RSU1: variants seen among roughly 807,000 people sequenced by gnomAD.
The protein encoded by RSU1 is Ras suppressor protein 1.
Under a neutral mutation model 31.1 loss-of-function variants are expected in RSU1, and 26 were observed. The ratio of observed to expected loss-of-function variants is 0.84; its 90% CI spans 0.61 to 1.16. RSU1 has a LOEUF of 1.16. Ranked by LOEUF, RSU1 falls within the 50% of genes most tolerant of loss-of-function variation. The pLI is 0.00. For synonymous variants in RSU1, 164 were observed against 136.3 expected (o/e 1.20, Z -1.41); for missense variants, 320 against 339.1 (o/e 0.94, Z 0.44).
intron 8 of RSU1, among the ~76,000 whole-genome samples, chr10:16,693,265 T>C (rs1835601262): frequency 6.6e-6 from 1 of 152,204 alleles, no homozygotes; most frequent in South Asian, 2.1e-4. Flanking sequence ...GCCATTATTC[T>C]TTACAGCTTG....
chr10:16,730,998 A>T (rs1394139296), intron 7 of RSU1, among the ~76,000 whole-genome samples: 1 of 151,922 alleles, frequency 6.6e-6, no homozygotes, highest in Admixed American at 6.6e-5. Flanking sequence ...TTATTTTTGT[A>T]TTTTTAGTAG....
intron 4 of RSU1, among the ~76,000 whole-genome samples, chr10:16,763,762 A>C (rs1837255496): frequency 6.6e-6 from 1 of 152,186 alleles, no homozygotes; most frequent in South Asian, 2.1e-4. Flanking sequence ...GAAAGCACTA[A>C]AACCTGCCCT....
intron 7 of RSU1, among the ~76,000 whole-genome samples, chr10:16,739,027 C>T (rs1380104234): frequency 6.6e-6 from 1 of 152,170 alleles, no homozygotes; most frequent in East Asian, 1.9e-4. Context: ...CATGTCTCTG[C>T]AAAGGACATG....
rs534328220 is a variant in RSU1, at chr10:16,783,441, C to T, written c.110-1357G>A. 2.5e-4 allele frequency among the ~76,000 whole-genome samples: 37 copies of T among 149,880 alleles called. 1 individual carries two copies. In the South Asian group the frequency reaches 6.1e-3, roughly 25 times the overall value. ...CGCAATCTCAGCTCACTGCAATTTC[C>T]GCCTCCCAAGTTCAAGCGATTCTCC... On this transcript the variant is annotated intron_variant, in intron 2 of 8. Transcript: ENST00000345264.
At chr10:16,650,742 G>A (rs1019068848) in intron 8 of RSU1, among the ~76,000 whole-genome samples, 1 of 143,606 alleles carries the variant, frequency 7.0e-6, no homozygotes, top group African/African-American at 2.5e-5. Flanking sequence ...ACCACACCCG[G>A]CTACTTTTTT....
chr10:16,740,709 A>C (rs1836732734), intron 7 of RSU1, among the ~76,000 whole-genome samples: 1 of 152,350 alleles, frequency 6.6e-6, no homozygotes, highest in South Asian at 2.1e-4. Flanking sequence ...AAATAATTTC[A>C]TATATAATAG....
intron 2 of RSU1, among the ~76,000 whole-genome samples, chr10:16,805,002 AG>A (rs1345565606): frequency 6.6e-6 from 1 of 152,188 alleles, no homozygotes; most frequent in African/African-American, 2.4e-5. Flanking sequence ...ATGCATCAAC[AG>A]CCTGGCTAAC....
chr10:16,641,042 C>A lies in RSU1; in HGVS notation c.732-47546G>T, dbSNP rs570135474. Among the ~76,000 whole-genome samples, 13 of 152,300 alleles carry A rather than the reference C, an allele frequency of 8.5e-5. No individual in the cohort carries two copies. In the East Asian group the frequency reaches 2.5e-3, roughly 29 times the overall value. ...TCAGGCTCTACGTCAGGAAAACTAG[C>A]TAATGCATGTTGTGCTTAATACTCA... is the stretch of plus-strand genomic sequence containing the variant. On this transcript the variant is annotated intron_variant, in intron 8 of 8. Coordinates refer to ENST00000345264, the MANE Select transcript of RSU1 (RefSeq NM_012425.4).
chr10:16,682,535 TACACACACACACACAC>T (rs68128821), intron 8 of RSU1, among the ~76,000 whole-genome samples: 1 of 26,480 alleles, frequency 3.8e-5, no homozygotes, highest in Non-Finnish European at 8.5e-5. Context: ...AAATCATTCA[TACACACACACACACAC>T]ACACACACAC....
In RSU1 at chr10:16,595,062, C is replaced by T. The variant is rs528697020; in HGVS notation, c.732-1566G>A. Among the ~76,000 whole-genome samples the T allele has an allele frequency of 5.9e-5, 9 of 151,714 alleles. No individual in the cohort carries two copies. In the South Asian group the frequency reaches 1.3e-3, roughly 21 times the overall value. On this transcript the variant is annotated intron_variant, in intron 8 of 8. Transcript: ENST00000345264. ...GCCTCCCAAAGTGCTGAGATTCAGG[C>T]GTGAGCCACCATGCCCCAACAAAAA...
At chr10:16,643,199 G>T (rs893236437) in intron 8 of RSU1, among the ~76,000 whole-genome samples, 3 of 152,134 alleles carry the variant, frequency 2.0e-5, no homozygotes, top group African/African-American at 7.2e-5. Context: ...TTGTCTGGAT[G>T]ACTTCAAACA....
At chr10:16,611,158 G>A (rs1298891711) in intron 8 of RSU1, among the ~76,000 whole-genome samples, 1 of 152,184 alleles carries the variant, frequency 6.6e-6, no homozygotes, top group African/African-American at 2.4e-5. Flanking sequence ...CAGCTTGGGT[G>A]CATTCATGAG....
intron 8 of RSU1, among the ~76,000 whole-genome samples, chr10:16,634,348 A>G (rs112303705): frequency 0.012 from 1,783 of 152,326 alleles, 35 homozygotes; most frequent in African/African-American, 0.04. Flanking sequence ...GCTGGCTTCA[A>G]AACAAGCCAC....
intron 3 of RSU1, among the ~76,000 whole-genome samples, chr10:16,780,648 C>T (rs901026511): frequency 2.6e-5 from 4 of 152,196 alleles, no homozygotes; most frequent in African/African-American, 9.7e-5. Context: ...TACTAAACTA[C>T]ACAACAGAAC....
chr10:16,683,199 G>C (rs575504016), intron 8 of RSU1, among the ~76,000 whole-genome samples: 24 of 151,022 alleles, frequency 1.6e-4, no homozygotes, highest in African/African-American at 5.7e-4. Flanking sequence ...GTAGGGGTGT[G>C]GATCAAGACT....
chr10:16,813,918 C>G (rs1838466341), intron 2 of RSU1, among the ~76,000 whole-genome samples: 3 of 152,182 alleles, frequency 2.0e-5, no homozygotes, highest in Admixed American at 6.5e-5. Context: ...GAAGATACAA[C>G]TCTCCCAGGA....
intron 8 of RSU1, among the ~76,000 whole-genome samples, chr10:16,612,272 A>C (rs1243872640): frequency 6.6e-6 from 1 of 152,226 alleles, no homozygotes; most frequent in Non-Finnish European, 1.5e-5. Flanking sequence ...TGCTTGAGGA[A>C]AATAGCAAAT....
At chr10:16,802,426 T>A (rs1344643601) in intron 2 of RSU1, among the ~76,000 whole-genome samples, 1 of 152,068 alleles carries the variant, frequency 6.6e-6, no homozygotes, top group Non-Finnish European at 1.5e-5. Flanking sequence ...AATTGAATCA[T>A]AAATTAATAA....
chr10:16,638,041 G>C (rs1834376233), intron 8 of RSU1, among the ~76,000 whole-genome samples: 1 of 152,084 alleles, frequency 6.6e-6, no homozygotes, highest in South Asian at 2.1e-4. Flanking sequence ...AACATACCTT[G>C]TCTTTTCTGC....
Sources: allele counts gnomAD v4.1 joint callset (sites outside exome capture counted in the v4.1 genomes callset), GRCh38; gene constraint gnomAD v4.1.1; transcripts MANE v1.5; gene names NCBI Gene and HGNC (gene_info 2026-07-23, HGNC 2026-07-21).